The following RXFP2 variants were observed in gnomAD, a reference collection of about 807,000 sequenced individuals.
RXFP2 encodes the protein relaxin receptor 2.
A neutral mutation model predicts 88.6 loss-of-function variants in RXFP2; 68 were observed. The ratio of observed to expected loss-of-function variants is 0.77; its 90% confidence interval spans 0.63 to 0.94. RXFP2 has a LOEUF of 0.94. RXFP2 is among the 40% of genes least tolerant of loss of function. The probability of loss-of-function intolerance (pLI) is 0.00; values close to 1 mark genes in which losing one functional copy is unlikely to be tolerated. For synonymous variants in RXFP2, 329 were observed against 306.8 expected, an observed-to-expected ratio of 1.07 and a Z score of -0.76; for missense variants, 791 against 893.9, an observed-to-expected ratio of 0.88 and a Z score of 1.47.
In RXFP2 at chr13:31,739,603, C is replaced by T. The variant is rs1317465851; in HGVS notation, c.-10C>T. 6 of 1,554,476 alleles carry T rather than the reference C, an allele frequency of 3.9e-6. No individual in the cohort carries two copies. Among genetic ancestry groups the T allele is most frequent in the Non-Finnish European group, 5.3e-6 (6 of 1,126,112 alleles). On this transcript the variant is annotated 5_prime_UTR_variant, in exon 1 of 18. Transcript: ENST00000298386. Reference sequence around the variant, plus strand: ...GAGGATACGTCTAATAACTCAATTGCTGTAAACCTATGATTGTTTTTCTGG... The same window carrying T: ...GAGGATACGTCTAATAACTCAATTGTTGTAAACCTATGATTGTTTTTCTGG...
chr13:31,752,496 T>C (rs1005702398), intron 1 of RXFP2, among the ~76,000 whole-genome samples: 4 of 152,112 alleles, frequency 2.6e-5, no homozygotes, highest in Non-Finnish European at 5.9e-5. Context: ...AGAAACACCA[T>C]CCAGGCGGGG....
chr13:31,760,979 G>C (rs540069514), intron 2 of RXFP2, among the ~76,000 whole-genome samples: 18 of 152,054 alleles, frequency 1.2e-4, no homozygotes, highest in Non-Finnish European at 2.2e-4. Flanking sequence ...ATTTGAGACA[G>C]GGTCTCCCTC....
intron 13 of RXFP2, among the ~76,000 whole-genome samples, chr13:31,788,253 A>G (rs1262796553): frequency 6.6e-6 from 1 of 152,216 alleles, no homozygotes; most frequent in African/African-American, 2.4e-5. Flanking sequence ...TTGACTTCCA[A>G]AAAGCAAGAA....
chr13:31,788,711 T>C (rs999277046), intron 13 of RXFP2, among the ~76,000 whole-genome samples: 1 of 152,188 alleles, frequency 6.6e-6, no homozygotes, highest in African/African-American at 2.4e-5. Flanking sequence ...GAAATGATCA[T>C]ATTTAAATCC....
chr13:31,762,561 G>GGT (rs573933022), intron 3 of RXFP2, among the ~76,000 whole-genome samples: 129 of 152,044 alleles, frequency 8.5e-4, no homozygotes, highest in Middle Eastern at 3.4e-3. Context: ...GAATTTTTGG[G>GGT]GTGTGTGTGT....
chr13:31,772,515 GCT>G (rs1872770718), intron 5 of RXFP2, among the ~76,000 whole-genome samples: 1 of 152,132 alleles, frequency 6.6e-6, no homozygotes, highest in African/African-American at 2.4e-5. Context: ...TTATATCTCA[GCT>G]CTGAATAAAA....
intron 5 of RXFP2, among the ~76,000 whole-genome samples, chr13:31,771,769 G>A (rs1403255189): frequency 6.7e-6 from 1 of 148,744 alleles, no homozygotes; most frequent in Non-Finnish European, 1.5e-5. Context: ...TCCAGCCTGG[G>A]CAATGGAGCG....
At chr13:31,787,906 G>A (rs1873622236) in intron 13 of RXFP2, among the ~76,000 whole-genome samples, 1 of 152,188 alleles carries the variant, frequency 6.6e-6, no homozygotes, top group Non-Finnish European at 1.5e-5. Context: ...CTCCCAAAGT[G>A]CTAGGATTAT....
At chr13:31,791,088 A>G (rs1873769805) in intron 14 of RXFP2, among the ~76,000 whole-genome samples, 1 of 152,232 alleles carries the variant, frequency 6.6e-6, no homozygotes, top group Non-Finnish European at 1.5e-5. Flanking sequence ...AAATAGAGCA[A>G]GTTTTATGAG....
intron 11 of RXFP2, among the ~76,000 whole-genome samples, chr13:31,783,983 A>ATTTTTTTTTTTTTTTTTT (rs10686799): frequency 7.9e-4 from 96 of 121,538 alleles, no homozygotes; most frequent in East Asian, 1.3e-3. Context: ...TGCCTGGCTA[A>ATTTTTTTTTTTTTTTTTT]TTTTTTTTTT....
chr13:31,792,946 G>A lies in RXFP2; in HGVS notation c.1644G>A (p.Ala548=), dbSNP rs147006098. The A allele has an allele frequency of 1.8e-4, 296 of 1,613,910 alleles. 1 individual carries two copies. Among genetic ancestry groups the A allele is most frequent in the South Asian group, 2.7e-4 (25 of 91,072 alleles). ...TSVILICIWM[A]GFLIAVIPFW... Reference sequence around the variant, plus strand: ...TCATCCTCATTTGCATCTGGATGGCGGGATTTTTAATAGCTGTAATTCCAT... The same window carrying A: ...TCATCCTCATTTGCATCTGGATGGCAGGATTTTTAATAGCTGTAATTCCAT... The change falls in exon 16 of 18, where the codon GCG becomes GCA. Residue 548 remains alanine (A), a synonymous_variant. Transcript: ENST00000298386.
intron 1 of RXFP2, among the ~76,000 whole-genome samples, chr13:31,754,106 C>A (rs1236256273): frequency 6.6e-6 from 1 of 152,184 alleles, no homozygotes; most frequent in South Asian, 2.1e-4. Flanking sequence ...AGATGCAACT[C>A]AATCTTTTTT....
intron 14 of RXFP2, among the ~76,000 whole-genome samples, 175 bp downstream of exon 14, chr13:31,789,368 G>T (rs1475548038): frequency 6.6e-6 from 1 of 152,118 alleles, no homozygotes; most frequent in Non-Finnish European, 1.5e-5. Flanking sequence ...ATATTATGAT[G>T]TGCCGACATG....
chr13:31,783,480 C>T (rs1042596036), intron 11 of RXFP2, among the ~76,000 whole-genome samples: 1 of 150,742 alleles, frequency 6.6e-6, no homozygotes, highest in Non-Finnish European at 1.5e-5. Context: ...CCATTCTTTA[C>T]ACCTTATTTT....
intron 1 of RXFP2, among the ~76,000 whole-genome samples, chr13:31,741,423 T>C (rs1457322599): frequency 2.0e-5 from 3 of 152,166 alleles, no homozygotes; most frequent in South Asian, 2.1e-4. Flanking sequence ...AATAATAGAA[T>C]TTGCTCTATA....
At chr13:31,764,350 G>A (rs1872452887) in intron 3 of RXFP2, among the ~76,000 whole-genome samples, 1 of 151,100 alleles carries the variant, frequency 6.6e-6, no homozygotes, top group African/African-American at 2.4e-5. Context: ...TCCTTTACAT[G>A]TCATTATCCT....
intron 2 of RXFP2, 147 bp from the exon 3 acceptor site, chr13:31,761,577 C>A (rs969837392): frequency 1.7e-6 from 1 of 605,998 alleles, no homozygotes; most frequent in South Asian, 1.7e-5. Flanking sequence ...GTTTGCCTAA[C>A]TTTTTCTCTC....
chr13:31,756,695 C>G (rs996889260), intron 1 of RXFP2, among the ~76,000 whole-genome samples: 1 of 149,154 alleles, frequency 6.7e-6, no homozygotes, highest in Non-Finnish European at 1.5e-5. Context: ...CATCTTGGCT[C>G]GCTGCAACCT....
Position 31,791,955 on chromosome 13 carries a change from G to A in RXFP2, c.1295G>A (p.Gly432Glu). Residue 432 changes from glycine (G) to glutamate (E), a missense_variant, in exon 15 of 18, where the codon GGA (glycine) becomes GAA (glutamate). Coordinates refer to ENST00000298386, the MANE Select transcript of RXFP2 (RefSeq NM_130806.5). ...VWVIAFITCF[G>E]NLFVIGMRSF... ...GTTATAGCTTTCATTACCTGCTTTGGAAATCTTTTTGTCATTGGCATGAGA... is the reference window on the plus strand; with the variant it reads ...GTTATAGCTTTCATTACCTGCTTTGAAAATCTTTTTGTCATTGGCATGAGA... The A allele has an allele frequency of 6.2e-7, 1 of 1,614,092 alleles. No homozygotes were observed.
Sources: allele counts gnomAD v4.1 joint callset (sites outside exome capture counted in the v4.1 genomes callset), GRCh38; gene constraint gnomAD v4.1.1; transcripts MANE v1.5; gene names NCBI Gene and HGNC (gene_info 2026-07-23, HGNC 2026-07-21).